STARD13: variants seen among roughly 807,000 people sequenced by gnomAD.
STARD13 encodes the protein StAR related lipid transfer domain containing 13, also known as stAR-related lipid transfer protein 13.
In STARD13, 62 loss-of-function variants were observed where a neutral mutation model predicts 106.4. The observed-to-expected ratio is 0.58, with a 90% confidence interval of 0.48 to 0.72. The LOEUF is 0.72. Among genes scored for constraint, STARD13 ranks in the 30% least tolerant of loss-of-function variants. The pLI, the probability that STARD13 is intolerant of heterozygous loss-of-function variation, is 0.00. For missense variants in STARD13, 1,387 were observed against 1,424.0 expected (o/e 0.97, Z 0.42); for synonymous variants, 565 against 553.0 (o/e 1.02, Z -0.31).
chr13:33,514,089 A>G, the STARD13 span, among the ~76,000 whole-genome samples: 1 of 152,202 alleles, frequency 6.6e-6, no homozygotes, highest in Non-Finnish European at 1.5e-5. Context: ...AATACCCATT[A>G]CACACATGAT....
the STARD13 span, among the ~76,000 whole-genome samples, chr13:33,428,947 G>T: frequency 6.6e-6 from 1 of 152,150 alleles, no homozygotes; most frequent in Admixed American, 6.5e-5. Flanking sequence ...GCTCATCAGA[G>T]AAATGCATAT....
chr13:33,488,972 C>T, the STARD13 span, among the ~76,000 whole-genome samples: 14 of 152,204 alleles, frequency 9.2e-5, no homozygotes, highest in African/African-American at 3.4e-4. Flanking sequence ...AGATTCATTA[C>T]ACTCAAGTTG....
chr13:33,536,242 C>T, the STARD13 span, among the ~76,000 whole-genome samples: 2 of 152,094 alleles, frequency 1.3e-5, no homozygotes, highest in East Asian at 3.8e-4. Flanking sequence ...ATTTAACATG[C>T]CATTACATCA....
the STARD13 span, among the ~76,000 whole-genome samples, chr13:33,545,475 G>A: frequency 6.6e-6 from 1 of 152,346 alleles, no homozygotes; most frequent in African/African-American, 2.4e-5. Flanking sequence ...AGATGTAAAG[G>A]ACACTTCATT....
rs1005946354 is a variant in STARD13, at chr13:33,337,496, C to T, written c.124+12794G>A. ...CTTCAATATATGTCATAAGGAAATA[C>T]ACTCACTGTATCAGTAACTCTGCAA... is the stretch of plus-strand genomic sequence containing the variant. On this transcript the variant is annotated intron_variant, in intron 1 of 5. Transcript: ENST00000567873. Among the ~76,000 whole-genome samples, 16 of 152,274 alleles carry T rather than the reference C, an allele frequency of 1.1e-4. 1 individual carries two copies. In the Middle Eastern group the frequency reaches 0.017, roughly 162 times the overall value.
the STARD13 span, among the ~76,000 whole-genome samples, chr13:33,563,066 A>G: frequency 2.7e-5 from 4 of 147,192 alleles, 1 homozygote; most frequent in African/African-American, 1.0e-4. Context: ...AGGGAAAACT[A>G]TAAAACACTG....
the STARD13 span, among the ~76,000 whole-genome samples, chr13:33,582,729 A>T: frequency 6.6e-6 from 1 of 152,240 alleles, no homozygotes; most frequent in African/African-American, 2.4e-5. Flanking sequence ...AACACAGCAG[A>T]TAAGGTATAA....
chr13:33,493,097 C>T, the STARD13 span, among the ~76,000 whole-genome samples: 5 of 152,148 alleles, frequency 3.3e-5, no homozygotes, highest in South Asian at 4.1e-4. Context: ...GGGAGATGTA[C>T]GGACTTCCAA....
At chr13:33,385,858 A>AC in the STARD13 span, among the ~76,000 whole-genome samples, 9 of 147,588 alleles carry the variant, frequency 6.1e-5, no homozygotes, top group African/African-American at 2.3e-4. Flanking sequence ...CTCAAAAAAA[A>AC]AAAAACAAAA....
chr13:33,247,618 A>G (rs1040942637), intron 1 of STARD13, among the ~76,000 whole-genome samples: 3 of 152,184 alleles, frequency 2.0e-5, no homozygotes, highest in Non-Finnish European at 4.4e-5. Flanking sequence ...TATAATATCA[A>G]GTACAATATC....
intron 1 of STARD13, among the ~76,000 whole-genome samples, chr13:33,206,395 A>C (rs1015523346): frequency 6.7e-6 from 1 of 149,024 alleles, no homozygotes; most frequent in Non-Finnish European, 1.5e-5. Flanking sequence ...ACACACACAC[A>C]CCCATAAATA....
intron 1 of STARD13, among the ~76,000 whole-genome samples, chr13:33,337,154 T>C (rs1407057671): frequency 6.6e-6 from 1 of 152,146 alleles, no homozygotes; most frequent in Non-Finnish European, 1.5e-5. Context: ...ATGGGAATAA[T>C]GACAAAATAA....
chr13:33,501,774 A>G, the STARD13 span, among the ~76,000 whole-genome samples: 14 of 152,122 alleles, frequency 9.2e-5, no homozygotes, highest in Non-Finnish European at 5.9e-5. Flanking sequence ...TGTTTTGGTT[A>G]CTGTAGCCTT....
the STARD13 span, among the ~76,000 whole-genome samples, chr13:33,628,191 A>ACACACC: frequency 2.4e-5 from 3 of 124,204 alleles, no homozygotes; most frequent in East Asian, 2.2e-4. Flanking sequence ...ACACACACAC[A>ACACACC]CCACATGCAT....
At chr13:33,164,745 G>C (rs1171258384) in intron 3 of STARD13, among the ~76,000 whole-genome samples, 1 of 152,236 alleles carries the variant, frequency 6.6e-6, no homozygotes, top group Middle Eastern at 3.4e-3. Context: ...GTTTTAAGGG[G>C]AAGAAATTAT....
intron 1 of STARD13, among the ~76,000 whole-genome samples, chr13:33,171,500 T>C (rs747800757): frequency 2.0e-5 from 3 of 152,240 alleles, no homozygotes; most frequent in Non-Finnish European, 4.4e-5. Flanking sequence ...CATCCTTCCC[T>C]ACGTATTCTG....
chr13:33,138,269 C>T lies in STARD13; in HGVS notation c.387+4041G>A, dbSNP rs545861819. On this transcript the variant is annotated intron_variant, in intron 4 of 13. Transcript: ENST00000336934. ...TTGAATAGAAGCTGAATCACATAAA[C>T]ACTTTAATCAGGGGATTTCAATGTC... 2.4e-3 allele frequency among the ~76,000 whole-genome samples: 360 copies of T among 152,262 alleles called. 2 individuals carry two copies. The highest frequency in any genetic ancestry group is 8.1e-3 in the African/African-American group (336 of 41,550).
chr13:33,153,257 C>G (rs768430466), intron 3 of STARD13, among the ~76,000 whole-genome samples: 1 of 152,204 alleles, frequency 6.6e-6, no homozygotes, highest in Admixed American at 6.5e-5. Flanking sequence ...ATGCCATCCC[C>G]ACTGTTGAGC....
intron 1 of STARD13, among the ~76,000 whole-genome samples, chr13:33,304,628 T>C (rs1188431486): frequency 1.3e-5 from 2 of 152,206 alleles, no homozygotes; most frequent in African/African-American, 4.8e-5. Flanking sequence ...ATGTCCTCCC[T>C]GATAGCCACA....
Sources: allele counts gnomAD v4.1 joint callset (sites outside exome capture counted in the v4.1 genomes callset), GRCh38; gene constraint gnomAD v4.1.1; transcripts MANE v1.5; gene names NCBI Gene and HGNC (gene_info 2026-07-23, HGNC 2026-07-21).